The following FNDC3B variants were observed in gnomAD, a reference collection of about 807,000 sequenced individuals.
FNDC3B encodes fibronectin type III domain-containing protein 3B.
Under a neutral mutation model 151.5 loss-of-function variants are expected in FNDC3B, and 12 were observed. The ratio of observed to expected loss-of-function variants is 0.08; its 90% CI spans 0.05 to 0.13. FNDC3B has a LOEUF of 0.13. Among genes scored for constraint, FNDC3B ranks in the 10% least tolerant of loss-of-function variants. FNDC3B has a pLI of 1.00. For missense variants in FNDC3B, 1,214 were observed against 1,505.3 expected, an observed-to-expected ratio of 0.81 and a Z score of 3.20; for synonymous variants, 528 against 549.0, an observed-to-expected ratio of 0.96 and a Z score of 0.54.
At chr3:172,113,876 T>C (rs1040363812) in intron 2 of FNDC3B, among the ~76,000 whole-genome samples, 3 of 152,232 alleles carry the variant, frequency 2.0e-5, no homozygotes, top group Admixed American at 2.0e-4. Flanking sequence ...CTCTTCAGTC[T>C]TTAGCATGTT....
chr3:172,168,180 T>C (rs756475044), intron 3 of FNDC3B, among the ~76,000 whole-genome samples: 4 of 152,312 alleles, frequency 2.6e-5, no homozygotes, highest in Non-Finnish European at 5.9e-5. Context: ...ATTTAGTCAG[T>C]GAAAGCAACT....
intron 2 of FNDC3B, among the ~76,000 whole-genome samples, chr3:172,126,727 C>T (rs1048538738): frequency 1.3e-5 from 2 of 152,138 alleles, no homozygotes; most frequent in East Asian, 3.8e-4. Flanking sequence ...GAGAGGGCAG[C>T]TTGTGGGTCA....
chr3:172,272,360 G>A (rs892075407), intron 6 of FNDC3B, among the ~76,000 whole-genome samples: 19 of 152,058 alleles, frequency 1.2e-4, no homozygotes, highest in Non-Finnish European at 2.5e-4. Context: ...ATGAAACCAA[G>A]CCAGAAACTG....
intron 3 of FNDC3B, among the ~76,000 whole-genome samples, chr3:172,143,770 G>A (rs1484670616): frequency 6.6e-6 from 1 of 151,950 alleles, no homozygotes; most frequent in Non-Finnish European, 1.5e-5. Context: ...TTAGCTGGGC[G>A]TGGTGGCACA....
At chr3:172,265,189 T>C (rs1251805788) in intron 6 of FNDC3B, among the ~76,000 whole-genome samples, 2 of 152,224 alleles carry the variant, frequency 1.3e-5, no homozygotes, top group Non-Finnish European at 2.9e-5. Context: ...AAATTTTACA[T>C]GCTTCAACTT....
chr3:172,277,477 G>A (rs191579532), intron 6 of FNDC3B, among the ~76,000 whole-genome samples: 1 of 152,174 alleles, frequency 6.6e-6, no homozygotes, highest in East Asian at 1.9e-4. Flanking sequence ...ATCTATGAGG[G>A]CTTTATCCTC....
chr3:172,118,243 A>G (rs999664936), intron 2 of FNDC3B, among the ~76,000 whole-genome samples: 1 of 152,158 alleles, frequency 6.6e-6, no homozygotes, highest in African/African-American at 2.4e-5. Context: ...CCCTCCTCCT[A>G]ATCCAGTGAC....
chr3:172,330,501 A>G (rs371864771), intron 12 of FNDC3B, 40 bp from the exon 13 acceptor site: 94 of 1,556,614 alleles, frequency 6.0e-5, no homozygotes, highest in Non-Finnish European at 7.5e-5. Flanking sequence ...AAGCCTCTTC[A>G]CATGCTTCTA....
chr3:172,161,827 C>T (rs965841879), intron 3 of FNDC3B, among the ~76,000 whole-genome samples: 49 of 152,204 alleles, frequency 3.2e-4, no homozygotes, highest in Admixed American at 2.9e-3. Context: ...AAACTCCATT[C>T]CCATTAGCAG....
chr3:172,167,257 A>G (rs1723052018), intron 3 of FNDC3B, among the ~76,000 whole-genome samples: 2 of 152,168 alleles, frequency 1.3e-5, no homozygotes, highest in Non-Finnish European at 2.9e-5. Context: ...TTAGCTGGGT[A>G]TGTTGGTGCA....
intron 4 of FNDC3B, among the ~76,000 whole-genome samples, chr3:172,236,679 T>C (rs908860991): frequency 1.1e-4 from 16 of 152,146 alleles, no homozygotes; most frequent in Non-Finnish European, 1.5e-5. Flanking sequence ...TCTTTGCCCA[T>C]GGGATTCTCT....
At chr3:172,178,484 C>G (rs1162666311) in intron 3 of FNDC3B, among the ~76,000 whole-genome samples, 2 of 152,054 alleles carry the variant, frequency 1.3e-5, no homozygotes, top group Non-Finnish European at 2.9e-5. Flanking sequence ...TTTCACAAGA[C>G]TTTTCAAATC....
chr3:172,313,782 C>T (rs759222787), intron 11 of FNDC3B, among the ~76,000 whole-genome samples: 2 of 152,162 alleles, frequency 1.3e-5, no homozygotes, highest in African/African-American at 2.4e-5. Flanking sequence ...ATGGTGCTAT[C>T]GGGTTTCCTG....
intron 2 of FNDC3B, among the ~76,000 whole-genome samples, chr3:172,127,863 G>A (rs1720884057): frequency 6.6e-6 from 1 of 151,994 alleles, no homozygotes; most frequent in African/African-American, 2.4e-5. Context: ...ACAGGGTGTT[G>A]GTCAGGCTGG....
chr3:172,301,285 A>T (rs1244452670), intron 9 of FNDC3B, among the ~76,000 whole-genome samples: 2 of 152,254 alleles, frequency 1.3e-5, no homozygotes, highest in Non-Finnish European at 2.9e-5. Flanking sequence ...GGACTTAATG[A>T]TGCAAGTTCT....
At chr3:172,044,987 T>G (rs953068479) in intron 1 of FNDC3B, among the ~76,000 whole-genome samples, 2 of 152,212 alleles carry the variant, frequency 1.3e-5, no homozygotes, top group African/African-American at 4.8e-5. Context: ...GAGTCTGGGT[T>G]TCCTCATTTT....
At chr3:172,278,714 G>A (rs951891739) in intron 6 of FNDC3B, among the ~76,000 whole-genome samples, 11 of 152,178 alleles carry the variant, frequency 7.2e-5, no homozygotes, top group Non-Finnish European at 1.5e-5. Context: ...ATCACTTGAG[G>A]TCAGGAGTTT....
chr3:172,154,903 G>A (rs966186424), intron 3 of FNDC3B, among the ~76,000 whole-genome samples: 1 of 152,018 alleles, frequency 6.6e-6, no homozygotes, highest in Non-Finnish European at 1.5e-5. Flanking sequence ...GAACAAGTGG[G>A]GTGCTGGTGG....
intron 1 of FNDC3B, among the ~76,000 whole-genome samples, chr3:172,071,995 C>T (rs986784411): frequency 1.3e-5 from 2 of 151,638 alleles, no homozygotes; most frequent in African/African-American, 2.4e-5. Context: ...AGTACTGGCC[C>T]TTAACAACTC....
Sources: allele counts gnomAD v4.1 joint callset (sites outside exome capture counted in the v4.1 genomes callset), GRCh38; gene constraint gnomAD v4.1.1; transcripts MANE v1.5; gene names NCBI Gene and HGNC (gene_info 2026-07-23, HGNC 2026-07-21).